The following IL1RAPL2 variants were observed in gnomAD, a reference collection of about 807,000 sequenced individuals.
The protein encoded by IL1RAPL2 is X-linked interleukin-1 receptor accessory protein-like 2.
IL1RAPL2 carries 3 observed loss-of-function variants against 44.1 expected under a neutral mutation model. The observed-to-expected ratio is 0.07, with a 90% confidence interval of 0.03 to 0.18. IL1RAPL2 has a LOEUF of 0.18. IL1RAPL2 is among the 10% of genes least tolerant of loss of function. The pLI is 1.00. For missense variants in IL1RAPL2, 391 were observed against 496.4 expected (o/e 0.79, Z 2.02); for synonymous variants, 181 against 178.8 (o/e 1.01, Z -0.10).
intron 6 of IL1RAPL2, among the ~76,000 whole-genome samples, chrX:105,693,505 G>A (rs969795355): frequency 1.8e-5 from 2 of 111,883 alleles, no homozygotes; most frequent in Non-Finnish European, 3.8e-5. Context: ...CTTCCCTGAC[G>A]AATGAAAGCT....
chrX:104,611,321 T>G (rs1483751692), intron 1 of IL1RAPL2, among the ~76,000 whole-genome samples: 1 of 111,513 alleles, frequency 9.0e-6, no homozygotes, highest in East Asian at 2.8e-4. Context: ...AGTCCCTGAT[T>G]GGGGCTGCTG....
chrX:105,206,637 A>G (rs974475595), intron 3 of IL1RAPL2, among the ~76,000 whole-genome samples: 2 of 112,163 alleles, frequency 1.8e-5, no homozygotes, highest in African/African-American at 6.5e-5. Flanking sequence ...TGAGGATAGA[A>G]TTTTATTGAT....
chrX:104,815,898 T>TTTTGATAA (rs1327325067), intron 2 of IL1RAPL2, among the ~76,000 whole-genome samples: 1 of 108,948 alleles, frequency 9.2e-6, no homozygotes, highest in Non-Finnish European at 1.9e-5. Context: ...TCATACGTGT[T>TTTTGATAA]TTTGATAATT....
intron 2 of IL1RAPL2, among the ~76,000 whole-genome samples, chrX:104,877,600 A>T (rs775648864): frequency 8.0e-5 from 9 of 112,705 alleles, no homozygotes; most frequent in African/African-American, 2.9e-4. Flanking sequence ...TAAAATCAGC[A>T]TTAGTGTAGA....
chrX:104,726,819 G>A (rs1931805415), intron 2 of IL1RAPL2, among the ~76,000 whole-genome samples: 1 of 110,754 alleles, frequency 9.0e-6, no homozygotes, highest in Non-Finnish European at 1.9e-5. Flanking sequence ...TAGCCTCATA[G>A]TATAATTTGA....
chrX:105,570,469 G>T (rs2147810295), intron 6 of IL1RAPL2, among the ~76,000 whole-genome samples: 1 of 111,832 alleles, frequency 8.9e-6, no homozygotes, highest in Admixed American at 9.5e-5. Flanking sequence ...ACCCACTAGT[G>T]GGACTTCTGG....
At chrX:104,767,866 A>G (rs1044467251) in intron 2 of IL1RAPL2, among the ~76,000 whole-genome samples, 5 of 111,937 alleles carry the variant, frequency 4.5e-5, no homozygotes, top group Non-Finnish European at 9.4e-5. Flanking sequence ...TTTATATTCC[A>G]GGGTTCAAAA....
intron 2 of IL1RAPL2, among the ~76,000 whole-genome samples, chrX:104,757,400 G>T: frequency 9.0e-6 from 1 of 111,456 alleles, no homozygotes; most frequent in Non-Finnish European, 1.9e-5. Context: ...CCTATTAAAC[G>T]TCTAAGAGAA....
intron 2 of IL1RAPL2, among the ~76,000 whole-genome samples, chrX:104,908,963 C>A (rs1370821544): frequency 3.6e-5 from 4 of 110,614 alleles, no homozygotes; most frequent in African/African-American, 1.3e-4. Context: ...CCATTCTCCC[C>A]GTCACTTTCA....
intron 2 of IL1RAPL2, among the ~76,000 whole-genome samples, chrX:104,907,087 C>T (rs1240626546): frequency 2.7e-4 from 30 of 110,841 alleles, no homozygotes; most frequent in South Asian, 3.9e-4. Flanking sequence ...AGTTTATTTG[C>T]GTAGAGGTGT....
intron 2 of IL1RAPL2, among the ~76,000 whole-genome samples, chrX:104,830,793 A>G (rs868598043): frequency 1.8e-5 from 2 of 112,312 alleles, no homozygotes; most frequent in African/African-American, 6.5e-5. Flanking sequence ...GGAAAAATAC[A>G]TGTACAGATT....
intron 2 of IL1RAPL2, among the ~76,000 whole-genome samples, chrX:105,172,616 C>G (rs890006698): frequency 2.7e-5 from 3 of 111,546 alleles, no homozygotes; most frequent in Non-Finnish European, 5.6e-5. Context: ...CATAGAGTCC[C>G]TATTGTACCT....
intron 2 of IL1RAPL2, among the ~76,000 whole-genome samples, chrX:104,913,489 T>C (rs952891076): frequency 2.7e-5 from 3 of 111,922 alleles, no homozygotes; most frequent in Non-Finnish European, 5.6e-5. Context: ...GTAGCCTATA[T>C]CTCTGGAATG....
At chrX:104,950,257 G>C (rs1251759380) in intron 2 of IL1RAPL2, among the ~76,000 whole-genome samples, 1 of 111,332 alleles carries the variant, frequency 9.0e-6, no homozygotes, top group Non-Finnish European at 1.9e-5. Flanking sequence ...GCCTTTTTTT[G>C]TTTTCCATTT....
intron 2 of IL1RAPL2, among the ~76,000 whole-genome samples, chrX:105,034,495 A>T (rs1165833815): frequency 8.9e-6 from 1 of 112,161 alleles, no homozygotes; most frequent in African/African-American, 3.2e-5. Context: ...TCCACTCCAG[A>T]CCCTGTTTGC....
intron 2 of IL1RAPL2, among the ~76,000 whole-genome samples, chrX:105,142,644 A>C (rs1403032972): frequency 1.9e-5 from 2 of 107,180 alleles, no homozygotes; most frequent in African/African-American, 3.5e-5. Context: ...TATTATTATT[A>C]TACTTTAAGT....
At chrX:105,329,556 C>G (rs1361313560) in intron 5 of IL1RAPL2, among the ~76,000 whole-genome samples, 1 of 111,714 alleles carries the variant, frequency 9.0e-6, no homozygotes, top group African/African-American at 3.2e-5. Flanking sequence ...ATATTGAAAA[C>G]TAAGAACAAT....
intron 5 of IL1RAPL2, among the ~76,000 whole-genome samples, chrX:105,309,577 C>A (rs1296984277): frequency 4.7e-5 from 5 of 107,238 alleles, no homozygotes; most frequent in Non-Finnish European, 9.6e-5. Context: ...ACTAAAAATA[C>A]AAAAATTAGT....
chrX:105,437,262 A>G (rs1425707493), intron 5 of IL1RAPL2, among the ~76,000 whole-genome samples: 2 of 110,121 alleles, frequency 1.8e-5, no homozygotes, highest in Non-Finnish European at 3.8e-5. Flanking sequence ...GCACTATAGA[A>G]TTTGCTTACT....
Sources: gnomAD v4.1 joint callset for allele counts (sites outside exome capture counted in the v4.1 genomes callset) on GRCh38, gnomAD v4.1.1 for gene constraint, MANE v1.5 for transcripts, NCBI Gene and HGNC (gene_info 2026-07-23, HGNC 2026-07-21) for gene names.